CLTCL1: variants seen among roughly 807,000 people sequenced by gnomAD.
CLTCL1 encodes clathrin heavy chain 2.
A neutral mutation model predicts 190.0 loss-of-function variants in CLTCL1; 159 were observed. That is an observed-to-expected ratio of 0.84 (90% CI 0.74 to 0.95). CLTCL1 has a LOEUF of 0.95. Ranked by LOEUF, CLTCL1 falls within the 40% of genes least tolerant of loss-of-function variation. CLTCL1 has a pLI of 0.00. For missense variants in CLTCL1, 1,878 were observed against 2,033.4 expected, an observed-to-expected ratio of 0.92 and a Z score of 1.47; for synonymous variants, 752 against 769.6, an observed-to-expected ratio of 0.98 and a Z score of 0.38.
At chr22:19,218,121 T>C (rs934161886) in intron 18 of CLTCL1, among the ~76,000 whole-genome samples, 5 of 152,052 alleles carry the variant, frequency 3.3e-5, no homozygotes, top group Admixed American at 2.0e-4. Flanking sequence ...GCTACAGATA[T>C]CCAATTACAG....
intron 11 of CLTCL1, among the ~76,000 whole-genome samples, chr22:19,228,500 T>C (rs754328508): frequency 1.3e-5 from 2 of 152,236 alleles, no homozygotes; most frequent in East Asian, 1.9e-4. Flanking sequence ...CACAAAGTCA[T>C]GAGAGTCCAG....
In CLTCL1 at chr22:19,291,713, C is replaced by G. The variant is rs2088137536; in HGVS notation, c.-72G>C. 4.7e-6 allele frequency: 6 copies of G among 1,286,420 alleles called. No individual in the cohort carries two copies. Among genetic ancestry groups the G allele is most frequent in the South Asian group, 2.3e-5 (1 of 43,156 alleles). 79.7% of individuals were successfully genotyped at this position (1,286,420 alleles called of 1,614,324 possible). ...ACGCCGACCCCTCGCGCGGGCTGACCGGTGGCGACGGCGCAGGCGCAGTGC... is the reference window on the plus strand; with the variant it reads ...ACGCCGACCCCTCGCGCGGGCTGACGGGTGGCGACGGCGCAGGCGCAGTGC... On this transcript the variant is annotated 5_prime_UTR_variant, in exon 1 of 33. Coordinates refer to ENST00000427926, the MANE Select transcript of CLTCL1 (RefSeq NM_007098.4).
At chr22:19,232,378 G>C (rs534738594) in intron 10 of CLTCL1, 98 bp downstream of exon 10, 1 of 1,523,654 alleles carries the variant, frequency 6.6e-7, no homozygotes, top group East Asian at 2.3e-5. Context: ...AGCAGATGAA[G>C]AAAAGCATTG....
At chr22:19,221,256 T>C (rs1036852968) in intron 17 of CLTCL1, 121 bp downstream of exon 17, 11 of 721,890 alleles carry the variant, frequency 1.5e-5, no homozygotes, top group Admixed American at 2.9e-5. Context: ...AAGGAAATAA[T>C]CTCATGACCT....
At chr22:19,245,186 C>CTTTTTT (rs1194266137) in intron 3 of CLTCL1, among the ~76,000 whole-genome samples, 9 of 118,836 alleles carry the variant, frequency 7.6e-5, no homozygotes, top group Non-Finnish European at 1.0e-4. Flanking sequence ...TCTCCCCCTC[C>CTTTTTT]TTTTTTTTTT....
At chr22:19,226,483 C>T in intron 11 of CLTCL1, 100 bp from the exon 12 acceptor site, 5 of 1,343,920 alleles carry the variant, frequency 3.7e-6, no homozygotes, top group Middle Eastern at 1.9e-4. Flanking sequence ...AGCCTGGCAA[C>T]CAGAACTCAC....
At chr22:19,276,262 T>G (rs781984956) in intron 1 of CLTCL1, among the ~76,000 whole-genome samples, 1 of 152,140 alleles carries the variant, frequency 6.6e-6, no homozygotes, top group Non-Finnish European at 1.5e-5. Context: ...AAAACCTGAT[T>G]TCTCCAAAAG....
chr22:19,220,808 T>C (rs2085544593), intron 17 of CLTCL1, among the ~76,000 whole-genome samples: 1 of 152,226 alleles, frequency 6.6e-6, no homozygotes, highest in Non-Finnish European at 1.5e-5. Context: ...GAACAGTTCA[T>C]ACAATTCAAC....
At chr22:19,268,956 G>A (rs1437678492) in intron 2 of CLTCL1, among the ~76,000 whole-genome samples, 14 of 152,054 alleles carry the variant, frequency 9.2e-5, no homozygotes, top group South Asian at 2.1e-4. Context: ...CAGGCGTGGC[G>A]GCACATACCT....
chr22:19,259,421 A>C (rs576055031), intron 2 of CLTCL1, among the ~76,000 whole-genome samples: 16 of 152,286 alleles, frequency 1.1e-4, no homozygotes, highest in South Asian at 8.3e-4. Context: ...CAACAAAAAA[A>C]ATCAAAGGTT....
At chr22:19,250,186 G>A (rs1037313687) in intron 3 of CLTCL1, among the ~76,000 whole-genome samples, 2 of 152,118 alleles carry the variant, frequency 1.3e-5, no homozygotes, top group South Asian at 2.1e-4. Context: ...TCTGGAAGGT[G>A]GAGGTTGCAG....
intron 22 of CLTCL1, among the ~76,000 whole-genome samples, chr22:19,203,921 TTC>T (rs2084973862): frequency 6.6e-6 from 1 of 152,168 alleles, no homozygotes; most frequent in Non-Finnish European, 1.5e-5. Flanking sequence ...CCCTCACTGC[TTC>T]TCTCCTCACA....
At chr22:19,219,824 C>T in intron 18 of CLTCL1, 61 bp downstream of exon 18, 1 of 1,602,834 alleles carries the variant, frequency 6.2e-7, no homozygotes, top group Non-Finnish European at 8.5e-7. Context: ...GTCACTTGAG[C>T]CACAATGATG....
At chr22:19,186,285 C>G (rs2146210143) in intron 29 of CLTCL1, among the ~76,000 whole-genome samples, 1 of 152,272 alleles carries the variant, frequency 6.6e-6, no homozygotes, top group African/African-American at 2.4e-5. Context: ...ATTGGCTCAG[C>G]TGCATCACAC....
intron 3 of CLTCL1, among the ~76,000 whole-genome samples, chr22:19,247,464 T>C (rs7288496): frequency 3.5e-4 from 53 of 152,364 alleles, no homozygotes; most frequent in South Asian, 1.9e-3. Flanking sequence ...CTATGATTTA[T>C]AATTTTTGTT....
At chr22:19,212,407 A>G (rs563414002) in intron 19 of CLTCL1, among the ~76,000 whole-genome samples, 2 of 151,528 alleles carry the variant, frequency 1.3e-5, no homozygotes, top group South Asian at 4.2e-4. Context: ...CAAAAAAAAA[A>G]AAAAAAACAA....
At position 19,214,618 on chromosome 22, in the gene CLTCL1, T is replaced by C. The variant is rs374421314; in HGVS notation, c.3065+1493A>G. Among the ~76,000 whole-genome samples, 7 of 152,278 alleles carry C rather than the reference T, an allele frequency of 4.6e-5. No homozygotes were observed. The South Asian group carries it at 8.3e-4, about 18-fold the overall frequency. On this transcript the variant is annotated intron_variant, in intron 19 of 32. Coordinates refer to ENST00000427926, the MANE Select transcript of CLTCL1 (RefSeq NM_007098.4). Reference sequence around the variant, plus strand: ...ATGGTTTCTGGTTTCTGTGACTGGCTTAAGAATTTATTAGGTCATAAGTAT... The same window carrying C: ...ATGGTTTCTGGTTTCTGTGACTGGCCTAAGAATTTATTAGGTCATAAGTAT...
intron 20 of CLTCL1, chr22:19,209,352 T>G: frequency 2.4e-6 from 1 of 414,858 alleles, no homozygotes; most frequent in South Asian, 5.2e-5. Context: ...GGCACAGAGA[T>G]GGAGATAGCC....
At chr22:19,230,144 TA>T (rs1436518521) in intron 10 of CLTCL1, among the ~76,000 whole-genome samples, 169 bp from the exon 11 acceptor site, 3 of 148,278 alleles carry the variant, frequency 2.0e-5, no homozygotes, top group Admixed American at 1.4e-4. Context: ...TCACCCAGGC[TA>T]GACTGCAAAG....
Sources: allele counts gnomAD v4.1 joint callset (sites outside exome capture counted in the v4.1 genomes callset), GRCh38; gene constraint gnomAD v4.1.1; transcripts MANE v1.5; gene names NCBI Gene and HGNC (gene_info 2026-07-23, HGNC 2026-07-21).